The following NELL1 variants were observed in gnomAD, a reference collection of about 807,000 sequenced individuals.
NELL1 encodes the protein protein kinase C-binding protein NELL1.
Under a neutral mutation model 107.4 loss-of-function variants are expected in NELL1, and 76 were observed. That is an observed-to-expected ratio of 0.71 (90% CI 0.59 to 0.86). NELL1 has a LOEUF of 0.86. Among genes scored for constraint, NELL1 ranks in the 40% least tolerant of loss-of-function variants. The pLI is 0.00. For synonymous variants in NELL1, 353 were observed against 341.2 expected (o/e 1.03, Z -0.38); for missense variants, 1,024 against 1,005.5 (o/e 1.02, Z -0.25).
chr11:20,790,582 T>G (rs1857053793), intron 3 of NELL1, among the ~76,000 whole-genome samples: 1 of 152,012 alleles, frequency 6.6e-6, no homozygotes, highest in Non-Finnish European at 1.5e-5. Flanking sequence ...GCCTGCTTGG[T>G]GAAACAGGAG....
chr11:21,417,748 AT>A (rs1216286110), intron 15 of NELL1, among the ~76,000 whole-genome samples: 22 of 151,926 alleles, frequency 1.4e-4, no homozygotes, highest in Admixed American at 1.4e-3. Flanking sequence ...CTTATATTTG[AT>A]TTTTTACTAG....
At chr11:21,551,419 C>G (rs1856580173) in intron 16 of NELL1, among the ~76,000 whole-genome samples, 1 of 151,948 alleles carries the variant, frequency 6.6e-6, no homozygotes, top group South Asian at 2.1e-4. Context: ...TGTCTTGTGC[C>G]AGTTTTCAAA....
chr11:21,104,684 A>G (rs1038827071), intron 12 of NELL1, among the ~76,000 whole-genome samples: 4 of 152,200 alleles, frequency 2.6e-5, no homozygotes, highest in East Asian at 1.9e-4. Flanking sequence ...CTTGACGCAT[A>G]TGTTAGAAGA....
Position 21,541,227 on chromosome 11 carries a change from T to TA in NELL1, c.1786+6714dup, listed in dbSNP as rs1333136617. Among the ~76,000 whole-genome samples the TA allele has an allele frequency of 8.5e-5, 13 of 152,288 alleles. No homozygotes were observed. The East Asian group carries it at 2.5e-3, about 30-fold the overall frequency. On this transcript the variant is annotated intron_variant, in intron 16 of 19. Transcript: ENST00000357134. The stretch of plus-strand genomic sequence containing the variant: ...ATACAGCTATTCTTACGGGACTGAA[T>TA]ACCTGTTGGCCTTCCATTGTTATCT...
chr11:20,680,941 A>C (rs899015103), intron 2 of NELL1, among the ~76,000 whole-genome samples: 2 of 152,126 alleles, frequency 1.3e-5, no homozygotes, highest in African/African-American at 4.8e-5. Flanking sequence ...CAGCTTATCC[A>C]CAGATCTGTC....
intron 2 of NELL1, among the ~76,000 whole-genome samples, chr11:20,747,362 G>T (rs981840764): frequency 6.6e-6 from 1 of 152,124 alleles, no homozygotes; most frequent in Non-Finnish European, 1.5e-5. Context: ...AGATAACTAG[G>T]TCATCTAGGC....
At chr11:21,527,610 C>T (rs144502505) in intron 15 of NELL1, among the ~76,000 whole-genome samples, 342 of 152,232 alleles carry the variant, frequency 2.2e-3, no homozygotes, top group Non-Finnish European at 3.5e-3. Flanking sequence ...AAGCTAAAGT[C>T]CCACAATAGG....
chr11:21,365,613 G>A (rs1465281626), intron 14 of NELL1, among the ~76,000 whole-genome samples: 8 of 152,064 alleles, frequency 5.3e-5, no homozygotes, highest in East Asian at 1.9e-4. Flanking sequence ...TGATACAAAC[G>A]TATATAGTAA....
intron 16 of NELL1, among the ~76,000 whole-genome samples, chr11:21,544,040 AT>A (rs372655176): frequency 6.4e-4 from 98 of 152,080 alleles, no homozygotes; most frequent in African/African-American, 2.2e-3. Flanking sequence ...TATCTTCCTA[AT>A]GGCAACTATG....
chr11:21,148,207 A>G (rs376133711), intron 13 of NELL1, among the ~76,000 whole-genome samples: 2 of 152,230 alleles, frequency 1.3e-5, no homozygotes, highest in South Asian at 2.1e-4. Context: ...ATAATTCCAG[A>G]TAGCTCTTGA....
chr11:21,299,758 G>C (rs1849453988), intron 14 of NELL1, among the ~76,000 whole-genome samples: 1 of 151,966 alleles, frequency 6.6e-6, no homozygotes. Context: ...TAGATAATAT[G>C]TAGACTAATA....
intron 13 of NELL1, among the ~76,000 whole-genome samples, chr11:21,135,022 G>T (rs936594081): frequency 6.6e-6 from 1 of 152,152 alleles, no homozygotes; most frequent in Non-Finnish European, 1.5e-5. Context: ...AAACATGCTA[G>T]AGTCACTGTT....
intron 2 of NELL1, among the ~76,000 whole-genome samples, chr11:20,765,757 G>A (rs559618648): frequency 3.3e-5 from 5 of 152,248 alleles, no homozygotes; most frequent in Middle Eastern, 3.4e-3. Flanking sequence ...AGTACATTGT[G>A]TAGAGTTTTG....
At chr11:20,741,425 A>G (rs1188354892) in intron 2 of NELL1, among the ~76,000 whole-genome samples, 2 of 152,198 alleles carry the variant, frequency 1.3e-5, no homozygotes, top group African/African-American at 4.8e-5. Context: ...CTGCTCACAG[A>G]TGATGACATT....
At chr11:21,435,925 A>AT (rs1853104930) in intron 15 of NELL1, among the ~76,000 whole-genome samples, 1 of 152,070 alleles carries the variant, frequency 6.6e-6, no homozygotes, top group Non-Finnish European at 1.5e-5. Flanking sequence ...GTGTTAATTC[A>AT]TTTTTTAAAT....
At chr11:20,865,844 C>T (rs1456866591) in intron 4 of NELL1, among the ~76,000 whole-genome samples, 1 of 152,172 alleles carries the variant, frequency 6.6e-6, no homozygotes, top group Non-Finnish European at 1.5e-5. Flanking sequence ...CTATTATTCT[C>T]TTTGCAAATG....
chr11:21,084,166 C>T (rs1402749109), intron 12 of NELL1, among the ~76,000 whole-genome samples: 6 of 152,102 alleles, frequency 3.9e-5, no homozygotes, highest in Admixed American at 2.0e-4. Flanking sequence ...TGTTTGTCCA[C>T]GATTGCCGTT....
At chr11:20,854,760 G>A (rs575915446) in intron 4 of NELL1, among the ~76,000 whole-genome samples, 24 of 152,234 alleles carry the variant, frequency 1.6e-4, no homozygotes, top group Admixed American at 5.9e-4. Context: ...TTGGTAGCTC[G>A]GTGACCTACA....
intron 2 of NELL1, among the ~76,000 whole-genome samples, chr11:20,758,073 C>T (rs1452747848): frequency 6.6e-6 from 1 of 152,148 alleles, no homozygotes; most frequent in Non-Finnish European, 1.5e-5. Context: ...GCACTTATTC[C>T]ATCACGACGG....
Sources: gnomAD v4.1 joint callset for allele counts (sites outside exome capture counted in the v4.1 genomes callset) on GRCh38, gnomAD v4.1.1 for gene constraint, MANE v1.5 for transcripts, NCBI Gene and HGNC (gene_info 2026-07-23, HGNC 2026-07-21) for gene names.